TBX15: variants seen among roughly 807,000 people sequenced by gnomAD.
TBX15 encodes T-box transcription factor 15.
In TBX15, 18 loss-of-function variants were observed where a neutral mutation model predicts 53.9. The ratio of observed to expected loss-of-function variants is 0.33; its 90% CI spans 0.23 to 0.49. The LOEUF (loss-of-function observed/expected upper bound fraction) is 0.49. Among genes scored for constraint, TBX15 ranks in the 20% least tolerant of loss-of-function variants. The probability of loss-of-function intolerance (pLI) is 0.98; values close to 1 mark genes in which losing one functional copy is unlikely to be tolerated. For missense variants in TBX15, 692 were observed against 749.5 expected (o/e 0.92, Z 0.90); for synonymous variants, 295 against 278.0 (o/e 1.06, Z -0.61).
chr1:118,979,007 C>T (rs911095371), intron 1 of TBX15, among the ~76,000 whole-genome samples: 9 of 152,154 alleles, frequency 5.9e-5, no homozygotes, highest in Non-Finnish European at 8.8e-5. Context: ...CTAAACCACC[C>T]GAGGCACCTA....
intron 1 of TBX15, among the ~76,000 whole-genome samples, chr1:118,938,508 T>G (rs1032909623): frequency 7.2e-5 from 11 of 152,220 alleles, no homozygotes; most frequent in African/African-American, 2.7e-4. Flanking sequence ...TGTTTCTTGC[T>G]GAGCAGACAA....
At chr1:118,923,375 A>G in intron 5 of TBX15, 61 bp downstream of exon 5, 1 of 1,601,208 alleles carries the variant, frequency 6.2e-7, no homozygotes, top group Non-Finnish European at 8.5e-7. Context: ...TACCTAAGGA[A>G]TCTTATGCAG....
intron 1 of TBX15, among the ~76,000 whole-genome samples, chr1:118,971,866 GA>G (rs1415460127): frequency 3.9e-5 from 6 of 152,202 alleles, no homozygotes; most frequent in Admixed American, 3.3e-4. Context: ...ATCCTGCCAA[GA>G]AAATAACAGG....
intron 5 of TBX15, among the ~76,000 whole-genome samples, chr1:118,914,974 A>T (rs1655151377): frequency 6.6e-6 from 1 of 152,202 alleles, no homozygotes; most frequent in African/African-American, 2.4e-5. Context: ...CACTCAATGC[A>T]TAAGTCCCCA....
chr1:118,941,161 C>T (rs982443788), intron 1 of TBX15, among the ~76,000 whole-genome samples: 1 of 152,156 alleles, frequency 6.6e-6, no homozygotes, highest in Admixed American at 6.6e-5. Context: ...CGACATCAGC[C>T]ACTGTCATAG....
chr1:118,976,223 C>A (rs191242843), intron 1 of TBX15, among the ~76,000 whole-genome samples: 8 of 152,250 alleles, frequency 5.3e-5, no homozygotes, highest in Admixed American at 1.3e-4. Context: ...TAAAAAAAAA[C>A]TTCCCAGATT....
At chr1:118,904,306 G>T (rs971898997) in intron 6 of TBX15, among the ~76,000 whole-genome samples, 1 of 151,998 alleles carries the variant, frequency 6.6e-6, no homozygotes, top group African/African-American at 2.4e-5. Context: ...TTCTTGCTTG[G>T]TTTAGGTAAG....
At chr1:118,979,558 C>G (rs1327956470) in intron 1 of TBX15, among the ~76,000 whole-genome samples, 1 of 152,202 alleles carries the variant, frequency 6.6e-6, no homozygotes, top group Non-Finnish European at 1.5e-5. Context: ...TCGAACTCCC[C>G]TCAGGGCGCG....
intron 1 of TBX15, among the ~76,000 whole-genome samples, chr1:118,958,315 C>T (rs1267492023): frequency 6.6e-6 from 1 of 152,164 alleles, no homozygotes; most frequent in Non-Finnish European, 1.5e-5. Flanking sequence ...AGAGCCCAGC[C>T]CTGCTGTACC....
chr1:118,919,316 T>C (rs1453248848), intron 5 of TBX15, among the ~76,000 whole-genome samples: 1 of 152,236 alleles, frequency 6.6e-6, no homozygotes, highest in Non-Finnish European at 1.5e-5. Flanking sequence ...AGAAAAAGCA[T>C]GAAGTGTTGA....
intron 1 of TBX15, among the ~76,000 whole-genome samples, chr1:118,933,463 CAA>C (rs3060806): frequency 0.49 from 71,163 of 146,396 alleles, 17,854 homozygotes; most frequent in East Asian, 0.58. Flanking sequence ...CCCCCACCCA[CAA>C]AAAAAAAAAA....
At chr1:118,960,192 G>A (rs955527730) in intron 1 of TBX15, among the ~76,000 whole-genome samples, 9 of 152,230 alleles carry the variant, frequency 5.9e-5, no homozygotes, top group South Asian at 2.1e-4. Flanking sequence ...TGTTTTTGGC[G>A]GCCTCTCCAT....
intron 1 of TBX15, among the ~76,000 whole-genome samples, chr1:118,976,802 C>T (rs895018843): frequency 1.3e-5 from 2 of 152,158 alleles, no homozygotes; most frequent in African/African-American, 4.8e-5. Context: ...TTTCTAACTG[C>T]GGGCTATAAA....
Position 118,931,840 on chromosome 1 carries a change from A to C in TBX15, c.206-8T>G. On this transcript the variant is annotated splice_region_variant and splice_polypyrimidine_tract_variant and intron_variant, in intron 1 of 7. Coordinates refer to ENST00000369429, the MANE Select transcript of TBX15 (RefSeq NM_001330677.2). ...CAGTGCTCTGCTCAGAATCTGCAAA[A>C]TAAACAATCAAGCCTTAGGTGAGAA... is the stretch of plus-strand genomic sequence containing the variant. 6.4e-7 allele frequency: 1 copy of C among 1,559,602 alleles called. No homozygotes were observed. Among genetic ancestry groups the C allele is most frequent in the Non-Finnish European group, 8.7e-7 (1 of 1,150,822 alleles).
chr1:118,885,377 T>C lies in TBX15; in HGVS notation c.1164A>G (p.Glu388=). The C allele has an allele frequency of 1.2e-6, 2 of 1,613,972 alleles. 1 individual carries two copies. Among genetic ancestry groups the C allele is most frequent in the South Asian group, 2.2e-5 (2 of 91,076 alleles). Residue 388 remains glutamate, a synonymous_variant, in exon 8 of 8, where the codon GAA becomes GAG. Transcript: ENST00000369429. ...AGAGGTTTAGATTACACAGCTGGCT[T>C]TCTCGGCAGCCCACATTGAAAGTGT... ...APNTFNVGCR[E]SQLCNLNLSD...
chr1:118,936,587 A>T (rs1655976765), intron 1 of TBX15, among the ~76,000 whole-genome samples: 1 of 152,140 alleles, frequency 6.6e-6, no homozygotes, highest in Non-Finnish European at 1.5e-5. Flanking sequence ...GCATAGTGTA[A>T]TGGTTCTATT....
intron 7 of TBX15, among the ~76,000 whole-genome samples, chr1:118,896,033 GAATGCAGCTCAACACA>G (rs1261744023): frequency 6.6e-6 from 1 of 152,126 alleles, no homozygotes; most frequent in African/African-American, 2.4e-5. Flanking sequence ...GAATAGCTTT[GAATGCAGCTCAACACA>G]AATTTGTAAA....
chr1:118,953,674 C>G (rs1044294819), intron 1 of TBX15, among the ~76,000 whole-genome samples: 1 of 152,218 alleles, frequency 6.6e-6, no homozygotes, highest in Non-Finnish European at 1.5e-5. Context: ...CCAGTACCAA[C>G]ACTTTATACA....
intron 1 of TBX15, among the ~76,000 whole-genome samples, chr1:118,975,682 A>G (rs1226051688): frequency 3.9e-5 from 6 of 152,196 alleles, no homozygotes; most frequent in African/African-American, 7.2e-5. Context: ...CTCAAGGCCT[A>G]TTGGGTAGAT....
Sources: gnomAD v4.1 joint callset for allele counts (sites outside exome capture counted in the v4.1 genomes callset) on GRCh38, gnomAD v4.1.1 for gene constraint, MANE v1.5 for transcripts, NCBI Gene and HGNC (gene_info 2026-07-23, HGNC 2026-07-21) for gene names.